Variants in PXDNL observed in about 807,000 individuals in gnomAD.
PXDNL encodes peroxidasin like.
Under a neutral mutation model 150.8 loss-of-function variants are expected in PXDNL, and 145 were observed. That is an observed-to-expected ratio of 0.96 (90% CI 0.84 to 1.10). PXDNL has a LOEUF of 1.10. PXDNL is among the 50% of genes least tolerant of loss of function. The pLI is 0.00. For missense variants in PXDNL, 2,087 were observed against 1,873.9 expected, an observed-to-expected ratio of 1.11 and a Z score of -2.10; for synonymous variants, 757 against 725.7, an observed-to-expected ratio of 1.04 and a Z score of -0.69.
intron 17 of PXDNL, among the ~76,000 whole-genome samples, chr8:51,378,175 G>C (rs992895756): frequency 6.6e-6 from 1 of 152,110 alleles, no homozygotes; most frequent in African/African-American, 2.4e-5. Flanking sequence ...AGCACTCTGT[G>C]TCTAGCTCAA....
chr8:51,339,872 T>C, intron 20 of PXDNL, 119 bp from the exon 21 acceptor site: 3 of 945,252 alleles, frequency 3.2e-6, no homozygotes, highest in East Asian at 5.3e-5. Context: ...TTGGTGTTCT[T>C]TGTGATCTTA....
chr8:51,605,200 T>C (rs1169271096), intron 2 of PXDNL, among the ~76,000 whole-genome samples: 1 of 152,136 alleles, frequency 6.6e-6, no homozygotes, highest in Non-Finnish European at 1.5e-5. Flanking sequence ...TGAAAAGCAA[T>C]AATTTTCTCT....
At chr8:51,680,688 T>G (rs1470529525) in intron 1 of PXDNL, among the ~76,000 whole-genome samples, 3 of 152,148 alleles carry the variant, frequency 2.0e-5, no homozygotes, top group African/African-American at 7.2e-5. Context: ...ATGGGTGCCC[T>G]GCAGCCGGGT....
At chr8:51,436,216 G>A (rs1229624492) in intron 12 of PXDNL, 2 of 523,056 alleles carry the variant, frequency 3.8e-6, no homozygotes, top group Non-Finnish European at 7.7e-6. Context: ...CGTGGGCCAT[G>A]TGTTGACTTT....
chr8:51,608,769 G>A (rs908254363), intron 2 of PXDNL, among the ~76,000 whole-genome samples: 29 of 145,166 alleles, frequency 2.0e-4, no homozygotes, highest in African/African-American at 5.2e-4. Flanking sequence ...CCCGGGAGGC[G>A]GAGCTTGCAG....
At chr8:51,385,777 CTGAG>C (rs773866699) in intron 17 of PXDNL, among the ~76,000 whole-genome samples, 8 of 152,150 alleles carry the variant, frequency 5.3e-5, no homozygotes, top group East Asian at 1.9e-4. Flanking sequence ...TCTCCTGGTA[CTGAG>C]TAAGTCTCAC....
intron 2 of PXDNL, among the ~76,000 whole-genome samples, chr8:51,619,547 C>T (rs920276492): frequency 2.0e-5 from 3 of 152,116 alleles, no homozygotes; most frequent in Non-Finnish European, 2.9e-5. Flanking sequence ...ATTTCCCCTT[C>T]GGTGCTCCTC....
intron 3 of PXDNL, among the ~76,000 whole-genome samples, chr8:51,577,986 A>G (rs1436664689): frequency 4.2e-3 from 364 of 86,122 alleles, no homozygotes; most frequent in Admixed American, 0.01. Flanking sequence ...AAAGAAAGAA[A>G]GAAAGAAAGA....
intron 1 of PXDNL, among the ~76,000 whole-genome samples, chr8:51,723,853 T>C (rs1816775492): frequency 6.6e-6 from 1 of 151,980 alleles, no homozygotes; most frequent in Non-Finnish European, 1.5e-5. Context: ...GAGGACTGCA[T>C]TGCGGACAGT....
chr8:51,400,517 G>A (rs752824011), intron 17 of PXDNL, among the ~76,000 whole-genome samples: 5 of 152,134 alleles, frequency 3.3e-5, no homozygotes, highest in Non-Finnish European at 7.4e-5. Flanking sequence ...ACTTTAAGGC[G>A]TTAAATTATT....
intron 6 of PXDNL, among the ~76,000 whole-genome samples, chr8:51,483,436 G>A (rs1470172123): frequency 6.6e-6 from 1 of 152,200 alleles, no homozygotes; most frequent in Non-Finnish European, 1.5e-5. Context: ...CCTTTTGAAT[G>A]TCACTTCTAA....
chr8:51,486,366 GA>G (rs1563433071), intron 5 of PXDNL, among the ~76,000 whole-genome samples: 7 of 151,940 alleles, frequency 4.6e-5, no homozygotes. Context: ...TATCAAACAT[GA>G]TATATGATTC....
At chr8:51,327,048 T>A (rs1027497175) in intron 21 of PXDNL, among the ~76,000 whole-genome samples, 2 of 152,186 alleles carry the variant, frequency 1.3e-5, no homozygotes, top group African/African-American at 4.8e-5. Context: ...AGGTACTGTC[T>A]AATGAGACTT....
At chr8:51,385,511 G>T (rs1282425098) in intron 17 of PXDNL, among the ~76,000 whole-genome samples, 1 of 152,094 alleles carries the variant, frequency 6.6e-6, no homozygotes, top group Admixed American at 6.6e-5. Flanking sequence ...ATATTCCTAA[G>T]GATTCCCTGA....
chr8:51,769,946 G>A (rs547810539), intron 1 of PXDNL, among the ~76,000 whole-genome samples: 28 of 152,276 alleles, frequency 1.8e-4, no homozygotes, highest in African/African-American at 6.5e-4. Flanking sequence ...TCCAATGGGT[G>A]ACTTTTTGAG....
In PXDNL at chr8:51,652,378, ATCTC is replaced by A. The variant is rs10560519; in HGVS notation, c.236+2307_236+2310del. On this transcript the variant is annotated intron_variant, in intron 2 of 22. Transcript: ENST00000356297. ...TGCTTAACTCATTTTCTAGACAGAA[ATCTC>A]TCTCTCTCTCTCTCTCTCTCTCTTA... is the stretch of plus-strand genomic sequence containing the variant. Among the ~76,000 whole-genome samples the A allele has an allele frequency of 6.6e-3, 926 of 140,818 alleles. 5 individuals are homozygous for A. Among genetic ancestry groups the A allele is most frequent in the African/African-American group, 0.011 (432 of 37,626 alleles). 92.4% of individuals were successfully genotyped at this position (140,818 alleles called of 152,430 possible). A position where few individuals can be genotyped will look rare whatever the true frequency, so the allele number is the denominator to read the frequency against.
chr8:51,494,891 G>T (rs1291066158), intron 5 of PXDNL, among the ~76,000 whole-genome samples: 1 of 151,848 alleles, frequency 6.6e-6, no homozygotes, highest in Non-Finnish European at 1.5e-5. Context: ...AGTTAACAAG[G>T]ATATCCAGGA....
intron 1 of PXDNL, among the ~76,000 whole-genome samples, chr8:51,743,570 T>TG (rs1454745266): frequency 6.6e-6 from 1 of 151,710 alleles, no homozygotes; most frequent in Non-Finnish European, 1.5e-5. Context: ...TTAGTAGAGT[T>TG]GGGGTCTTGC....
At chr8:51,428,346 A>C (rs765889209) in intron 12 of PXDNL, among the ~76,000 whole-genome samples, 6 of 152,250 alleles carry the variant, frequency 3.9e-5, no homozygotes, top group Non-Finnish European at 5.9e-5. Context: ...ATTTTTTCAT[A>C]AATATAGATC....
Sources: allele counts gnomAD v4.1 joint callset (sites outside exome capture counted in the v4.1 genomes callset), GRCh38; gene constraint gnomAD v4.1.1; transcripts MANE v1.5; gene names NCBI Gene and HGNC (gene_info 2026-07-23, HGNC 2026-07-21).